The following SLC44A5 variants were observed in gnomAD, a reference collection of about 807,000 sequenced individuals.
The protein encoded by SLC44A5 is choline transporter-like protein 5.
Under a neutral mutation model 101.8 loss-of-function variants are expected in SLC44A5, and 57 were observed. The ratio of observed to expected loss-of-function variants is 0.56; its 90% confidence interval spans 0.45 to 0.70. The LOEUF (loss-of-function observed/expected upper bound fraction) is 0.70, where lower values mean the gene tolerates loss of function less well. Among genes scored for constraint, SLC44A5 ranks in the 30% least tolerant of loss-of-function variants. The pLI is 0.00. For missense variants in SLC44A5, 737 were observed against 853.1 expected (o/e 0.86, Z 1.70); for synonymous variants, 281 against 290.9 (o/e 0.97, Z 0.35).
Position 75,465,086 on chromosome 1 carries a change from AT to A in SLC44A5, c.14-68466del. Among the ~76,000 whole-genome samples the A allele has an allele frequency of 3.9e-5, 6 of 152,278 alleles. 1 individual carries two copies. The highest frequency in any genetic ancestry group is 3.9e-4 in the Admixed American group (6 of 15,302). On this transcript the variant is annotated intron_variant, in intron 2 of 23. Transcript: ENST00000370859. Reference sequence around the variant, plus strand: ...TTTATCCAAGAGCTACAGAATACACATTTTTTGTTCATCAGCACATGGATCA... The same window carrying A: ...TTTATCCAAGAGCTACAGAATACACATTTTTGTTCATCAGCACATGGATCA...
intron 5 of SLC44A5, among the ~76,000 whole-genome samples, chr1:75,290,788 T>G (rs188137903): frequency 6.6e-6 from 1 of 152,316 alleles, no homozygotes; most frequent in East Asian, 1.9e-4. Context: ...TCTGAACAAG[T>G]GACCAGCCTA....
intron 2 of SLC44A5, among the ~76,000 whole-genome samples, chr1:75,440,318 T>C (rs574831929): frequency 1.3e-5 from 2 of 151,966 alleles, no homozygotes; most frequent in African/African-American, 2.4e-5. Context: ...CTGAGGGAAG[T>C]TGGAAAGAAA....
rs1316058180 is a variant in SLC44A5 at position 75,350,901 on chromosome 1, A to G, written c.53-11271T>C. On this transcript the variant is annotated intron_variant, in intron 3 of 23. Transcript: ENST00000370859. ...AGGGTGAGACTCCATCTCAAAAAAAAAAAAAAAAAAGACAGAAAGAAAAAG... is the reference window on the plus strand; with the variant it reads ...AGGGTGAGACTCCATCTCAAAAAAAGAAAAAAAAAAGACAGAAAGAAAAAG... 6.6e-5 allele frequency among the ~76,000 whole-genome samples: 10 copies of G among 151,648 alleles called. 1 individual carries two copies. Among genetic ancestry groups the G allele is most frequent in the Non-Finnish European group, 1.0e-4 (7 of 67,884 alleles).
At chr1:75,700,310 C>T in the SLC44A5 span, among the ~76,000 whole-genome samples, 1 of 152,192 alleles carries the variant, frequency 6.6e-6, no homozygotes, top group Non-Finnish European at 1.5e-5. Flanking sequence ...AACTGTCTCT[C>T]AGACCACAGT....
chr1:75,629,212 T>TC, the SLC44A5 span, among the ~76,000 whole-genome samples: 42,167 of 151,942 alleles, frequency 0.28, 7,032 homozygotes, highest in East Asian at 0.81. Context: ...TTTATTTTTT[T>TC]CCCAGAAGAT....
intron 2 of SLC44A5, among the ~76,000 whole-genome samples, chr1:75,442,177 A>T (rs1189153847): frequency 6.6e-6 from 1 of 152,136 alleles, no homozygotes; most frequent in Non-Finnish European, 1.5e-5. Flanking sequence ...CATGTGTTTA[A>T]CCCATATAAA....
chr1:75,287,426 C>CTTTTTATTTT (rs1653149940), intron 5 of SLC44A5, among the ~76,000 whole-genome samples: 1 of 69,910 alleles, frequency 1.4e-5, no homozygotes, highest in African/African-American at 6.0e-5. Context: ...CTTCTGAATT[C>CTTTTTATTTT]TTTTTTTTTT....
chr1:75,428,052 G>A (rs763041488), intron 2 of SLC44A5, among the ~76,000 whole-genome samples: 36 of 152,156 alleles, frequency 2.4e-4, no homozygotes, highest in Non-Finnish European at 1.6e-4. Flanking sequence ...CGGCAAGGAG[G>A]AATGTTTGAT....
chr1:75,339,084 T>C (rs554145786), intron 4 of SLC44A5, among the ~76,000 whole-genome samples: 1 of 152,070 alleles, frequency 6.6e-6, no homozygotes, highest in Admixed American at 6.5e-5. Flanking sequence ...CATATTTCCC[T>C]AGAGCATTTT....
the SLC44A5 span, among the ~76,000 whole-genome samples, chr1:75,652,213 GA>G: frequency 6.6e-6 from 1 of 152,148 alleles, no homozygotes; most frequent in Non-Finnish European, 1.5e-5. Context: ...CCCAAGGGAA[GA>G]ATCAGGGAAT....
At chr1:75,673,666 G>T in the SLC44A5 span, among the ~76,000 whole-genome samples, 1 of 152,228 alleles carries the variant, frequency 6.6e-6, no homozygotes, top group African/African-American at 2.4e-5. Flanking sequence ...CAGTGCTGGC[G>T]ACCACAAGAG....
chr1:75,605,011 G>T (rs749541349), intron 1 of SLC44A5, among the ~76,000 whole-genome samples: 6 of 151,820 alleles, frequency 4.0e-5, no homozygotes, highest in Admixed American at 1.3e-4. Context: ...GCTCTGGCTT[G>T]CACTTCCGGT....
the SLC44A5 span, among the ~76,000 whole-genome samples, chr1:75,683,962 C>T: frequency 6.6e-6 from 1 of 151,986 alleles, no homozygotes; most frequent in African/African-American, 2.4e-5. Flanking sequence ...CGTTTTCATG[C>T]TTCTAATAAA....
At chr1:75,503,801 C>T (rs1250537051) in intron 2 of SLC44A5, among the ~76,000 whole-genome samples, 2 of 152,246 alleles carry the variant, frequency 1.3e-5, no homozygotes, top group South Asian at 2.1e-4. Flanking sequence ...CAATAATACT[C>T]GGTCAGGCTA....
At chr1:75,555,752 A>G (rs977862629) in intron 1 of SLC44A5, among the ~76,000 whole-genome samples, 2 of 152,146 alleles carry the variant, frequency 1.3e-5, no homozygotes, top group African/African-American at 4.8e-5. Flanking sequence ...GAAATGTTCC[A>G]CTAGACTTAT....
chr1:75,668,078 C>G, the SLC44A5 span, among the ~76,000 whole-genome samples: 1 of 152,256 alleles, frequency 6.6e-6, no homozygotes, highest in South Asian at 2.1e-4. Flanking sequence ...TTTAAATCCT[C>G]TAAGAGTGTC....
chr1:75,444,423 G>GAGAA lies in SLC44A5; in HGVS notation c.14-47806_14-47803dup, dbSNP rs1268685646. ...AAGGAGAGAAAGAGAAAGAGAGAGA[G>GAGAA]AGAAAGAAAGACAGAGAAAGAAAGA... is the stretch of plus-strand genomic sequence containing the variant. On this transcript the variant is annotated intron_variant, in intron 2 of 23. Coordinates refer to ENST00000370859, the MANE Select transcript of SLC44A5 (RefSeq NM_001130058.2). Among the ~76,000 whole-genome samples the GAGAA allele has an allele frequency of 2.2e-5, 3 of 134,636 alleles. No homozygotes were observed. The Admixed American group carries it at 2.3e-4, about 10-fold the overall frequency. 88.3% of individuals were successfully genotyped at this position (134,636 alleles called of 152,430 possible). A position where few individuals can be genotyped will look rare whatever the true frequency, so the allele number is the denominator to read the frequency against.
chr1:75,661,592 T>C, the SLC44A5 span, among the ~76,000 whole-genome samples: 1 of 151,438 alleles, frequency 6.6e-6, no homozygotes, highest in Non-Finnish European at 1.5e-5. Context: ...TGGGAGAAAA[T>C]GTTTGCAAAC....
chr1:75,295,780 T>C (rs1481578170), intron 5 of SLC44A5, among the ~76,000 whole-genome samples: 1 of 152,118 alleles, frequency 6.6e-6, no homozygotes, highest in African/African-American at 2.4e-5. Context: ...ATGTCAGATC[T>C]CCAGAACAAT....
Sources: allele counts gnomAD v4.1 joint callset (sites outside exome capture counted in the v4.1 genomes callset), GRCh38; gene constraint gnomAD v4.1.1; transcripts MANE v1.5; gene names NCBI Gene and HGNC (gene_info 2026-07-23, HGNC 2026-07-21).